The following MCF2L2 variants were observed in gnomAD, a reference collection of about 807,000 sequenced individuals.
MCF2L2 encodes MCF.2 cell line derived transforming sequence-like 2.
In MCF2L2, 102 loss-of-function variants were observed where a neutral mutation model predicts 150.2. The observed-to-expected ratio is 0.68, with a 90% CI of 0.58 to 0.80. The LOEUF (loss-of-function observed/expected upper bound fraction) is 0.80, where lower values mean the gene tolerates loss of function less well. Ranked by LOEUF, MCF2L2 falls within the 30% of genes least tolerant of loss-of-function variation. The probability of loss-of-function intolerance (pLI) is 0.00; values close to 1 mark genes in which losing one functional copy is unlikely to be tolerated. For synonymous variants in MCF2L2, 465 were observed against 491.3 expected (o/e 0.95, Z 0.71); for missense variants, 1,256 against 1,372.8 (o/e 0.91, Z 1.34).
At chr3:183,393,955 G>C (rs756549111) in intron 1 of MCF2L2, among the ~76,000 whole-genome samples, 3 of 152,158 alleles carry the variant, frequency 2.0e-5, no homozygotes, top group Non-Finnish European at 4.4e-5. Context: ...TCCCACTCTT[G>C]CTCTTCTGAA....
chr3:183,280,519 T>C (rs985372164), intron 14 of MCF2L2, among the ~76,000 whole-genome samples: 1 of 152,108 alleles, frequency 6.6e-6, no homozygotes, highest in Admixed American at 6.5e-5. Context: ...TTTAGGAATG[T>C]GTAGAAAGTG....
At chr3:183,255,274 GGGTGA>G (rs1212290027) in intron 15 of MCF2L2, among the ~76,000 whole-genome samples, 1 of 152,178 alleles carries the variant, frequency 6.6e-6, no homozygotes, top group Non-Finnish European at 1.5e-5. Context: ...CTTTCTGAAA[GGGTGA>G]TTAGTGATCA....
At chr3:183,344,456 T>C (rs541610345) in intron 3 of MCF2L2, among the ~76,000 whole-genome samples, 2 of 151,942 alleles carry the variant, frequency 1.3e-5, no homozygotes, top group African/African-American at 2.4e-5. Context: ...AAAAGGCAAA[T>C]AGCCACGGCA....
intron 1 of MCF2L2, among the ~76,000 whole-genome samples, chr3:183,410,867 T>C (rs1715285508): frequency 6.6e-6 from 1 of 152,186 alleles, no homozygotes. Flanking sequence ...AGAGCTGATC[T>C]GCAGAGAAAA....
At chr3:183,216,871 C>T (rs1722963860) in intron 21 of MCF2L2, among the ~76,000 whole-genome samples, 1 of 151,362 alleles carries the variant, frequency 6.6e-6, no homozygotes, top group Admixed American at 6.6e-5. Context: ...TCCTAAAGTG[C>T]TGGGATTACA....
At chr3:183,263,058 G>C (rs1380828449) in intron 15 of MCF2L2, among the ~76,000 whole-genome samples, 1 of 152,028 alleles carries the variant, frequency 6.6e-6, no homozygotes, top group South Asian at 2.1e-4. Context: ...GAAGGTTCTC[G>C]ATGAATATTT....
At chr3:183,221,204 T>C (rs1723137426) in intron 20 of MCF2L2, among the ~76,000 whole-genome samples, 1 of 152,238 alleles carries the variant, frequency 6.6e-6, no homozygotes, top group Admixed American at 6.5e-5. Context: ...TGCTCTGGTC[T>C]GCCTTGGGTA....
At chr3:183,186,637 G>A (rs761778508) in intron 27 of MCF2L2, among the ~76,000 whole-genome samples, 20 of 152,238 alleles carry the variant, frequency 1.3e-4, no homozygotes, top group Admixed American at 4.6e-4. Context: ...TGAAGCAGGA[G>A]AATCAATTGA....
intron 27 of MCF2L2, among the ~76,000 whole-genome samples, chr3:183,187,222 G>T (rs1052628343): frequency 2.0e-5 from 3 of 152,118 alleles, no homozygotes; most frequent in African/African-American, 7.2e-5. Context: ...ACCATGACGT[G>T]CTATACCGGA....
At chr3:183,338,520 C>T (rs1400300538) in intron 5 of MCF2L2, among the ~76,000 whole-genome samples, 2 of 151,576 alleles carry the variant, frequency 1.3e-5, no homozygotes, top group East Asian at 3.9e-4. Context: ...GAATAAAATC[C>T]AAAACCTGCC....
At chr3:183,313,091 G>A (rs967642214) in intron 7 of MCF2L2, among the ~76,000 whole-genome samples, 2 of 152,174 alleles carry the variant, frequency 1.3e-5, no homozygotes, top group Non-Finnish European at 2.9e-5. Context: ...AAGAAGTCAG[G>A]TTGCAGATGA....
intron 3 of MCF2L2, among the ~76,000 whole-genome samples, chr3:183,343,483 A>G (rs1009155710): frequency 6.6e-6 from 1 of 150,538 alleles, no homozygotes; most frequent in Non-Finnish European, 1.5e-5. Flanking sequence ...TGATTCTCCT[A>G]CCTCAGCCTC....
At chr3:183,279,172 CACAT>C (rs969391488) in intron 14 of MCF2L2, among the ~76,000 whole-genome samples, 18 of 152,262 alleles carry the variant, frequency 1.2e-4, no homozygotes, top group Non-Finnish European at 2.5e-4. Context: ...CACACACACA[CACAT>C]ACACACACAC....
intron 6 of MCF2L2, among the ~76,000 whole-genome samples, chr3:183,320,004 T>C (rs1232143998): frequency 6.6e-6 from 1 of 152,190 alleles, no homozygotes; most frequent in Non-Finnish European, 1.5e-5. Context: ...CTTCTCTAGT[T>C]ATGGAAGTCT....
intron 16 of MCF2L2, 64 bp downstream of exon 16, chr3:183,230,887 T>C: frequency 1.5e-6 from 2 of 1,306,046 alleles, no homozygotes; most frequent in Non-Finnish European, 2.2e-6. Flanking sequence ...TTGAGTCTCT[T>C]TGTACAACAA....
At chr3:183,344,046 C>T (rs1334455130) in intron 3 of MCF2L2, among the ~76,000 whole-genome samples, 2 of 151,756 alleles carry the variant, frequency 1.3e-5, no homozygotes, top group African/African-American at 2.4e-5. Context: ...GGTGTGTGCC[C>T]GTAGTCTCAG....
At chr3:183,366,834 C>G (rs1240473699) in intron 3 of MCF2L2, among the ~76,000 whole-genome samples, 5 of 151,992 alleles carry the variant, frequency 3.3e-5, no homozygotes, top group Non-Finnish European at 5.9e-5. Flanking sequence ...CAGAGGGCCT[C>G]AAAAGAATAT....
At chr3:183,331,280 CCTT>C (rs1730262553) in intron 5 of MCF2L2, among the ~76,000 whole-genome samples, 1 of 152,196 alleles carries the variant, frequency 6.6e-6, no homozygotes, top group South Asian at 2.1e-4. Flanking sequence ...TCCTCTGCCT[CCTT>C]CTTCTGCCTC....
chr3:183,186,882 G>A (rs993158679), intron 27 of MCF2L2, among the ~76,000 whole-genome samples: 7 of 152,192 alleles, frequency 4.6e-5, no homozygotes, highest in East Asian at 1.9e-4. Context: ...TATAGACAAC[G>A]TCTGCAAGAA....
Sources: allele counts gnomAD v4.1 joint callset (sites outside exome capture counted in the v4.1 genomes callset), GRCh38; gene constraint gnomAD v4.1.1; transcripts MANE v1.5; gene names NCBI Gene and HGNC (gene_info 2026-07-23, HGNC 2026-07-21).